The following L3MBTL4 variants were observed in gnomAD, a reference collection of about 807,000 sequenced individuals.
The protein encoded by L3MBTL4 is L3MBTL histone methyl-lysine binding protein 4, also known as lethal(3)malignant brain tumor-like protein 4.
Under a neutral mutation model 84.5 loss-of-function variants are expected in L3MBTL4, and 70 were observed. The observed-to-expected ratio is 0.83, with a 90% CI of 0.68 to 1.01. The LOEUF is 1.01. Among genes scored for constraint, L3MBTL4 ranks in the 50% least tolerant of loss-of-function variants. The pLI, the probability that L3MBTL4 is intolerant of heterozygous loss-of-function variation, is 0.00. For synonymous variants in L3MBTL4, 274 were observed against 259.8 expected (o/e 1.05, Z -0.52); for missense variants, 715 against 754.8 (o/e 0.95, Z 0.62).
chr18:6,042,189 G>A lies in L3MBTL4; in HGVS notation c.1444+38692C>T, dbSNP rs534044631. Reference sequence around the variant, plus strand: ...CACTAATTCAAAGTTTACAGAAGCCGTTCCTCCTCCCACCCAAGGTTAATC... The same window carrying A: ...CACTAATTCAAAGTTTACAGAAGCCATTCCTCCTCCCACCCAAGGTTAATC... On this transcript the variant is annotated intron_variant, in intron 16 of 18. Transcript: ENST00000317931. Among the ~76,000 whole-genome samples, 13 of 152,194 alleles carry A rather than the reference G, an allele frequency of 8.5e-5. No individual in the cohort carries two copies. The South Asian group carries it at 1.5e-3, about 17-fold the overall frequency.
At chr18:6,380,780 T>G (rs2144344774) in intron 1 of L3MBTL4, among the ~76,000 whole-genome samples, 1 of 152,270 alleles carries the variant, frequency 6.6e-6, no homozygotes, top group African/African-American at 2.4e-5. Context: ...GTGCTGAGAA[T>G]AATGTATATT....
At chr18:6,347,860 G>A (rs573290377) in intron 1 of L3MBTL4, among the ~76,000 whole-genome samples, 4 of 151,480 alleles carry the variant, frequency 2.6e-5, no homozygotes, top group Admixed American at 1.3e-4. Flanking sequence ...GGATTGGAAG[G>A]GGAAAAAAAA....
At chr18:5,976,307 CA>C in intron 16 of L3MBTL4, among the ~76,000 whole-genome samples, 1 of 152,298 alleles carries the variant, frequency 6.6e-6, no homozygotes, top group East Asian at 1.9e-4. Flanking sequence ...AATATGTCGT[CA>C]AAACTAATTT....
At chr18:6,153,282 T>C (rs566626689) in intron 13 of L3MBTL4, among the ~76,000 whole-genome samples, 1 of 152,320 alleles carries the variant, frequency 6.6e-6, no homozygotes, top group South Asian at 2.1e-4. Flanking sequence ...TTGATACAGA[T>C]TGCACTGAAT....
At chr18:6,052,288 G>T (rs918474847) in intron 16 of L3MBTL4, among the ~76,000 whole-genome samples, 3 of 152,168 alleles carry the variant, frequency 2.0e-5, no homozygotes, top group African/African-American at 7.2e-5. Context: ...TGGTCGCATG[G>T]ATAAATACAA....
intron 16 of L3MBTL4, among the ~76,000 whole-genome samples, chr18:6,035,386 C>A (rs2056078891): frequency 1.3e-5 from 2 of 151,954 alleles, no homozygotes; most frequent in South Asian, 4.1e-4. Flanking sequence ...GTTTTCCCAG[C>A]ACCATTTATT....
At chr18:6,369,152 C>T (rs915759790) in intron 1 of L3MBTL4, among the ~76,000 whole-genome samples, 7 of 151,980 alleles carry the variant, frequency 4.6e-5, no homozygotes, top group African/African-American at 1.5e-4. Flanking sequence ...CCTGGAGAAG[C>T]GGGGCTACAG....
chr18:5,994,029 G>A (rs570463587), intron 16 of L3MBTL4, among the ~76,000 whole-genome samples: 10 of 152,330 alleles, frequency 6.6e-5, no homozygotes, highest in African/African-American at 2.2e-4. Context: ...AGCCACTGGC[G>A]ACGCTGGAAC....
At chr18:6,345,045 G>T (rs1006610760) in intron 1 of L3MBTL4, among the ~76,000 whole-genome samples, 1 of 151,674 alleles carries the variant, frequency 6.6e-6, no homozygotes, top group African/African-American at 2.4e-5. Context: ...AAGTAAAATT[G>T]TCTGTCTTTG....
intron 4 of L3MBTL4, among the ~76,000 whole-genome samples, chr18:6,266,013 A>G (rs961407310): frequency 5.3e-5 from 8 of 152,224 alleles, no homozygotes; most frequent in African/African-American, 1.9e-4. Context: ...GGATATGTTA[A>G]TTCACTTGAT....
chr18:6,335,007 A>C (rs1052130101), intron 1 of L3MBTL4, among the ~76,000 whole-genome samples: 7 of 152,174 alleles, frequency 4.6e-5, no homozygotes, highest in Admixed American at 3.9e-4. Flanking sequence ...TGAACCGTTA[A>C]TGGTTTACCT....
intron 4 of L3MBTL4, among the ~76,000 whole-genome samples, chr18:6,292,683 G>C (rs2049919308): frequency 6.6e-6 from 1 of 152,204 alleles, no homozygotes; most frequent in South Asian, 2.1e-4. Flanking sequence ...GGGGAAATGT[G>C]AAAGTTAATC....
At chr18:6,012,993 G>C (rs139708736) in intron 16 of L3MBTL4, among the ~76,000 whole-genome samples, 1 of 152,072 alleles carries the variant, frequency 6.6e-6, no homozygotes, top group South Asian at 2.1e-4. Context: ...GGTCCCCATC[G>C]CAGCACAGTT....
chr18:6,393,688 A>C (rs341224), intron 1 of L3MBTL4, among the ~76,000 whole-genome samples: 78,481 of 151,800 alleles, frequency 0.52, 20,353 homozygotes, highest in East Asian at 0.59. Context: ...CAAAATAAAT[A>C]TAGAATACAG....
At chr18:6,378,656 C>T (rs746203673) in intron 1 of L3MBTL4, among the ~76,000 whole-genome samples, 14 of 152,144 alleles carry the variant, frequency 9.2e-5, no homozygotes, top group South Asian at 2.1e-4. Context: ...TCTGAGGCCT[C>T]TGTTCTGTTC....
chr18:6,327,994 A>G (rs1050155412), intron 1 of L3MBTL4, among the ~76,000 whole-genome samples: 1 of 152,208 alleles, frequency 6.6e-6, no homozygotes, highest in African/African-American at 2.4e-5. Flanking sequence ...CATAATTATC[A>G]TCATCCCTGT....
intron 1 of L3MBTL4, among the ~76,000 whole-genome samples, chr18:6,363,185 T>C (rs895366513): frequency 6.6e-6 from 1 of 152,152 alleles, no homozygotes; most frequent in Non-Finnish European, 1.5e-5. Context: ...TTTCCTGAGT[T>C]CGTAAATTGT....
chr18:6,348,387 C>T (rs568391030), intron 1 of L3MBTL4, among the ~76,000 whole-genome samples: 1 of 152,170 alleles, frequency 6.6e-6, no homozygotes, highest in East Asian at 1.9e-4. Context: ...ATAATTACAA[C>T]AGCATGACCC....
At chr18:6,220,415 G>T (rs913279810) in intron 10 of L3MBTL4, among the ~76,000 whole-genome samples, 5 of 152,030 alleles carry the variant, frequency 3.3e-5, no homozygotes, top group African/African-American at 1.2e-4. Context: ...CCTTTACCTG[G>T]AGAGTTATCT....
Sources: allele counts gnomAD v4.1 joint callset (sites outside exome capture counted in the v4.1 genomes callset), GRCh38; gene constraint gnomAD v4.1.1; transcripts MANE v1.5; gene names NCBI Gene and HGNC (gene_info 2026-07-23, HGNC 2026-07-21).